The following ERP44 variants were observed in gnomAD, a reference collection of about 807,000 sequenced individuals.
ERP44 encodes the protein endoplasmic reticulum resident protein 44.
A neutral mutation model predicts 53.4 loss-of-function variants in ERP44; 25 were observed. The observed-to-expected ratio is 0.47, with a 90% CI of 0.34 to 0.65. The LOEUF (loss-of-function observed/expected upper bound fraction) is 0.65. Ranked by LOEUF, ERP44 falls within the 30% of genes least tolerant of loss-of-function variation. ERP44 has a pLI of 0.01. For synonymous variants in ERP44, 145 were observed against 161.2 expected (o/e 0.90, Z 0.76); for missense variants, 338 against 493.2 (o/e 0.69, Z 2.98).
Position 99,995,555 on chromosome 9 carries a change from T to G in ERP44, c.1017-10486A>C, listed in dbSNP as rs1830301856. On this transcript the variant is annotated intron_variant, in intron 10 of 11. Coordinates refer to ENST00000262455, the MANE Select transcript of ERP44 (RefSeq NM_015051.3). ...AACCCCCAGCCTCTGGTAACAACCA[T>G]TCTACTCTCCACCTCTATGAGTTCA... 2.6e-5 allele frequency among the ~76,000 whole-genome samples: 4 copies of G among 152,186 alleles called. No individual in the cohort carries two copies. In the South Asian group the frequency reaches 8.3e-4, roughly 31 times the overall value.
At chr9:100,041,668 A>AAAC (rs537934933) in intron 4 of ERP44, among the ~76,000 whole-genome samples, 101 of 152,132 alleles carry the variant, frequency 6.6e-4, no homozygotes, top group African/African-American at 1.1e-3. Flanking sequence ...TTCCGACTCA[A>AAAC]AACAACAACA....
chr9:100,069,043 G>C (rs2118732043), intron 1 of ERP44, among the ~76,000 whole-genome samples: 1 of 152,196 alleles, frequency 6.6e-6, no homozygotes, highest in East Asian at 1.9e-4. Flanking sequence ...GGGTTAAATG[G>C]ATTAAGGGCG....
intron 8 of ERP44, among the ~76,000 whole-genome samples, chr9:100,015,531 C>T (rs1412403326): frequency 3.3e-5 from 5 of 152,068 alleles, no homozygotes; most frequent in Admixed American, 6.5e-5. Flanking sequence ...TGACTGAGGT[C>T]GGTTACCTAT....
chr9:99,987,611 G>A (rs1830208432), intron 10 of ERP44, among the ~76,000 whole-genome samples: 1 of 152,300 alleles, frequency 6.6e-6, no homozygotes, highest in Non-Finnish European at 1.5e-5. Flanking sequence ...GTTTTAACAT[G>A]TGCATAGCAT....
At chr9:99,994,420 C>T (rs1024995922) in intron 10 of ERP44, among the ~76,000 whole-genome samples, 5 of 115,868 alleles carry the variant, frequency 4.3e-5, no homozygotes, top group Admixed American at 1.1e-4. Context: ...CCAAACACTG[C>T]ATGTTCTCAC....
At chr9:100,005,772 C>A (rs1830419384) in intron 10 of ERP44, among the ~76,000 whole-genome samples, 1 of 152,134 alleles carries the variant, frequency 6.6e-6, no homozygotes, top group South Asian at 2.1e-4. Context: ...TACAAATCAT[C>A]CTCTGTGTAA....
chr9:100,029,125 AG>A (rs1825744898), intron 4 of ERP44, among the ~76,000 whole-genome samples: 1 of 152,214 alleles, frequency 6.6e-6, no homozygotes, highest in South Asian at 2.1e-4. Context: ...GTCTGTGCAA[AG>A]ATTTTTATGG....
intron 1 of ERP44, among the ~76,000 whole-genome samples, chr9:100,075,660 G>T (rs1826347518): frequency 6.6e-6 from 1 of 152,186 alleles, no homozygotes; most frequent in Non-Finnish European, 1.5e-5. Flanking sequence ...AATTTCTAGG[G>T]TTTCAGTGGT....
At chr9:100,090,624 C>T (rs1025139340) in intron 1 of ERP44, among the ~76,000 whole-genome samples, 1 of 152,044 alleles carries the variant, frequency 6.6e-6, no homozygotes, top group Non-Finnish European at 1.5e-5. Context: ...TGGCAGGCAC[C>T]TGTAATCCCA....
At chr9:100,061,582 GTATATATTTATAGAAATA>G (rs1564100575) in intron 1 of ERP44, among the ~76,000 whole-genome samples, 93 of 130,976 alleles carry the variant, frequency 7.1e-4, no homozygotes, top group African/African-American at 2.1e-3. Context: ...TTATAGAAAC[GTATATATTTATAGAAATA>G]TATATATTTA....
Position 100,077,725 on chromosome 9 carries a change from C to T in ERP44, c.58-17553G>A, listed in dbSNP as rs190250695. ...CTCCTCCTATCTTTAAGCCAACAGG[C>T]TAAGAAGGGAGGTACAGTGTTGGCT... is the stretch of plus-strand genomic sequence containing the variant. On this transcript the variant is annotated intron_variant, in intron 1 of 11. Coordinates refer to ENST00000262455, the MANE Select transcript of ERP44 (RefSeq NM_015051.3). 5.3e-5 allele frequency among the ~76,000 whole-genome samples: 8 copies of T among 152,302 alleles called. No individual in the cohort carries two copies. The East Asian group carries it at 9.6e-4, about 18-fold the overall frequency.
chr9:100,072,765 G>A (rs1826320051), intron 1 of ERP44, among the ~76,000 whole-genome samples: 1 of 151,980 alleles, frequency 6.6e-6, no homozygotes, highest in African/African-American at 2.4e-5. Context: ...CAGGTGATCT[G>A]CCCACTCTGC....
In ERP44 at chr9:100,048,122, G is replaced by T. The variant is rs746566763; in HGVS notation, c.286+4295C>A. Among the ~76,000 whole-genome samples, 2 of 152,012 alleles carry T rather than the reference G, an allele frequency of 1.3e-5. 1 individual carries two copies. Among genetic ancestry groups the T allele is most frequent in the South Asian group, 4.2e-4 (2 of 4,818 alleles). ...AGCCCACAGAGTCACACACACCGTA[G>T]TCCCAGCTACTCAGGAGGCTGAGTG... On this transcript the variant is annotated intron_variant, in intron 4 of 11. Coordinates refer to ENST00000262455, the MANE Select transcript of ERP44 (RefSeq NM_015051.3).
At chr9:99,988,631 A>G (rs1830220582) in intron 10 of ERP44, among the ~76,000 whole-genome samples, 1 of 152,106 alleles carries the variant, frequency 6.6e-6, no homozygotes, top group African/African-American at 2.4e-5. Context: ...AAGACGGGTG[A>G]TTTCTGCATT....
At chr9:100,066,730 T>C (rs981322052) in intron 1 of ERP44, among the ~76,000 whole-genome samples, 1 of 152,218 alleles carries the variant, frequency 6.6e-6, no homozygotes, top group Admixed American at 6.5e-5. Flanking sequence ...ATCAGTCCAC[T>C]CTTGCTTTCA....
chr9:100,006,039 T>C (rs1830421970), intron 10 of ERP44, among the ~76,000 whole-genome samples: 1 of 152,190 alleles, frequency 6.6e-6, no homozygotes, highest in Non-Finnish European at 1.5e-5. Flanking sequence ...CTATATGCCA[T>C]TAGAAACGCC....
At chr9:100,039,556 C>T (rs923938311) in intron 4 of ERP44, among the ~76,000 whole-genome samples, 30 of 151,802 alleles carry the variant, frequency 2.0e-4, no homozygotes, top group African/African-American at 6.0e-4. Context: ...AAGTTTATGG[C>T]TACATCAAAA....
At position 99,980,480 on chromosome 9, in the gene ERP44, A is replaced by G. The variant is rs995132026; in HGVS notation, c.*2132T>C. 1 of 157,772 alleles carries G rather than the reference A, an allele frequency of 6.3e-6. No homozygotes were observed. Among genetic ancestry groups the G allele is most frequent in the Non-Finnish European group, 1.4e-5 (1 of 71,996 alleles). 9.8% of individuals were successfully genotyped at this position (157,772 alleles called of 1,614,324 possible). On this transcript the variant is annotated 3_prime_UTR_variant, in exon 12 of 12. Transcript: ENST00000262455. The stretch of plus-strand genomic sequence containing the variant: ...TCCAAGCAAAACAGCCTTAACATCC[A>G]TGTTTTAAAAACCTTTTTATCCACG...
At chr9:100,038,509 TAA>T (rs1825867814) in intron 4 of ERP44, among the ~76,000 whole-genome samples, 1 of 150,696 alleles carries the variant, frequency 6.6e-6, no homozygotes, top group East Asian at 1.9e-4. Flanking sequence ...AAATAAAAAA[TAA>T]AAAGAAATGA....
Sources: allele counts gnomAD v4.1 joint callset (sites outside exome capture counted in the v4.1 genomes callset), GRCh38; gene constraint gnomAD v4.1.1; transcripts MANE v1.5; gene names NCBI Gene and HGNC (gene_info 2026-07-23, HGNC 2026-07-21).